The following XKRX variants were observed in gnomAD, a reference collection of about 807,000 sequenced individuals.
XKRX encodes XK-related protein 2.
A neutral mutation model predicts 22.4 loss-of-function variants in XKRX; 11 were observed. The observed-to-expected ratio is 0.49, with a 90% CI of 0.31 to 0.81. XKRX has a LOEUF of 0.81. XKRX is among the 40% of genes least tolerant of loss of function. The pLI, the probability that XKRX is intolerant of heterozygous loss-of-function variation, is 0.05. For missense variants in XKRX, 320 were observed against 336.5 expected, an observed-to-expected ratio of 0.95 and a Z score of 0.38; for synonymous variants, 114 against 132.2, an observed-to-expected ratio of 0.86 and a Z score of 0.94.
chrX:100,929,850 TGA>T (rs2085515251), upstream of XKRX, among the ~76,000 whole-genome samples: 1 of 112,067 alleles, frequency 8.9e-6, no homozygotes, highest in African/African-American at 3.2e-5. Flanking sequence ...TAGTAAAAAC[TGA>T]GAGGGGTGTC....
the XKRX span, among the ~76,000 whole-genome samples, chrX:100,907,483 A>T: frequency 1.1e-4 from 12 of 112,268 alleles, no homozygotes; most frequent in Non-Finnish European, 2.1e-4. Flanking sequence ...TACAGGCGTG[A>T]GCCACCACAT....
At chrX:100,891,763 A>AAAGAAGAAAGAAAGAAAG in the XKRX span, among the ~76,000 whole-genome samples, 4 of 59,207 alleles carry the variant, frequency 6.8e-5, no homozygotes, top group Admixed American at 7.6e-4. Context: ...AAGAAAGAAG[A>AAAGAAGAAAGAAAGAAAG]AAAGAAAGAA....
At chrX:100,957,593 C>T in the XKRX span, 4 of 724,847 alleles carry the variant, frequency 5.5e-6, no homozygotes, top group Non-Finnish European at 8.2e-6. Flanking sequence ...ATTTATTTAG[C>T]CTTAATTCCA....
chrX:100,900,762 T>C, the XKRX span, among the ~76,000 whole-genome samples: 1 of 107,482 alleles, frequency 9.3e-6, no homozygotes, highest in African/African-American at 3.4e-5. Context: ...CTGGCCCCTA[T>C]CCTCGAGACC....
At chrX:100,943,108 CTGTG>C in the XKRX span, among the ~76,000 whole-genome samples, 6 of 109,928 alleles carry the variant, frequency 5.5e-5, no homozygotes, top group African/African-American at 1.3e-4. Context: ...AACTAACTGA[CTGTG>C]TGTGTGTGTG....
the XKRX span, among the ~76,000 whole-genome samples, chrX:100,897,985 G>A: frequency 9.0e-6 from 1 of 111,373 alleles, no homozygotes; most frequent in Non-Finnish European, 1.9e-5. Flanking sequence ...GGCATGTTAC[G>A]AGTGGCAGTG....
At chrX:100,951,459 G>A in the XKRX span, among the ~76,000 whole-genome samples, 2 of 98,132 alleles carry the variant, frequency 2.0e-5, no homozygotes, top group South Asian at 5.4e-4. Flanking sequence ...GGGGGTGGGG[G>A]GGAAGAAAAA....
At chrX:100,953,782 G>C in the XKRX span, among the ~76,000 whole-genome samples, 1 of 108,334 alleles carries the variant, frequency 9.2e-6, no homozygotes, top group Non-Finnish European at 1.9e-5. Context: ...GGTGGCATGT[G>C]CCTGTAATCC....
the XKRX span, among the ~76,000 whole-genome samples, chrX:100,955,132 G>T: frequency 9.0e-6 from 1 of 111,705 alleles, no homozygotes; most frequent in Non-Finnish European, 1.9e-5. Flanking sequence ...TGGTGTGGGC[G>T]TGGACAGGAA....
At chrX:100,891,838 T>A in the XKRX span, among the ~76,000 whole-genome samples, 1 of 103,243 alleles carries the variant, frequency 9.7e-6, no homozygotes, top group East Asian at 3.1e-4. Flanking sequence ...AAACTGGATA[T>A]CCACATGCAG....
At chrX:100,889,313 G>C in the XKRX span, among the ~76,000 whole-genome samples, 1 of 108,319 alleles carries the variant, frequency 9.2e-6, no homozygotes, top group African/African-American at 3.4e-5. Context: ...GTTAAGATGA[G>C]GTCATACTGG....
the XKRX span, among the ~76,000 whole-genome samples, chrX:100,886,992 A>G: frequency 8.9e-6 from 1 of 112,728 alleles, no homozygotes; most frequent in Non-Finnish European, 1.9e-5. Flanking sequence ...ATTCCCATCT[A>G]TAATTTTATC....
At chrX:100,890,817 C>T in the XKRX span, among the ~76,000 whole-genome samples, 4 of 110,924 alleles carry the variant, frequency 3.6e-5, no homozygotes, top group Non-Finnish European at 7.5e-5. Context: ...TTTATTCATG[C>T]AAGCATGTAC....
chrX:100,930,749 G>A (rs975212633), upstream of XKRX, among the ~76,000 whole-genome samples: 1 of 111,248 alleles, frequency 9.0e-6, no homozygotes, highest in African/African-American at 3.3e-5. Context: ...TCTTGGGGCT[G>A]CTCTAGGTAA....
intron 1 of XKRX, among the ~76,000 whole-genome samples, chrX:100,927,721 C>A (rs1017062973): frequency 7.2e-5 from 8 of 111,886 alleles, no homozygotes; most frequent in African/African-American, 2.6e-4. Context: ...TTGTTGTTCC[C>A]ATTCTAGTTT....
intron 2 of XKRX, among the ~76,000 whole-genome samples, chrX:100,917,271 T>G (rs2085441113): frequency 9.1e-6 from 1 of 110,031 alleles, no homozygotes; most frequent in Admixed American, 9.7e-5. Context: ...GGTGACAGAG[T>G]GAGACTCCTT....
the XKRX span, among the ~76,000 whole-genome samples, chrX:100,941,692 G>T: frequency 8.9e-6 from 1 of 112,128 alleles, no homozygotes; most frequent in Admixed American, 9.5e-5. Flanking sequence ...AGCATAAAGA[G>T]TCTGCTGTGG....
the XKRX span, among the ~76,000 whole-genome samples, chrX:100,902,213 A>G: frequency 8.9e-6 from 1 of 112,067 alleles, no homozygotes; most frequent in African/African-American, 3.2e-5. Context: ...AAATTAAAAC[A>G]TATTTTGAAC....
chrX:100,950,444 A>T, the XKRX span, among the ~76,000 whole-genome samples: 33 of 112,503 alleles, frequency 2.9e-4, no homozygotes, highest in African/African-American at 1.1e-3. Context: ...CCACAATTGT[A>T]TTTAAAACTT....
Sources: gnomAD v4.1 joint callset for allele counts (sites outside exome capture counted in the v4.1 genomes callset) on GRCh38, gnomAD v4.1.1 for gene constraint, MANE v1.5 for transcripts, NCBI Gene and HGNC (gene_info 2026-07-23, HGNC 2026-07-21) for gene names.